The following SLC22A25 variants were observed in gnomAD, a reference collection of about 807,000 sequenced individuals.
SLC22A25 encodes solute carrier family 22 member 25, also known as MGI:2442751, MGI:2385316, MGI:3042283, MGI:3645714, MGI:3605624, MGI:2442750.
Under a neutral mutation model 45.9 loss-of-function variants are expected in SLC22A25, and 44 were observed. That is an observed-to-expected ratio of 0.96 (90% CI 0.75 to 1.23). The LOEUF (loss-of-function observed/expected upper bound fraction) is 1.23, where lower values mean the gene tolerates loss of function less well. Among genes scored for constraint, SLC22A25 ranks in the 50% most tolerant of loss-of-function variants. SLC22A25 has a pLI of 0.00. For missense variants in SLC22A25, 800 were observed against 666.4 expected (o/e 1.20, Z -2.21); for synonymous variants, 283 against 238.6 (o/e 1.19, Z -1.72).
At chr11:63,166,738 T>C (rs1361624713) in intron 9 of SLC22A25, 63 of 987,984 alleles carry the variant, frequency 6.4e-5, no homozygotes, top group Non-Finnish European at 7.0e-5. Flanking sequence ...AGATTGTATA[T>C]TCATGGCATT....
intron 7 of SLC22A25, among the ~76,000 whole-genome samples, chr11:63,186,347 G>C (rs1328948744): frequency 6.6e-6 from 1 of 151,420 alleles, no homozygotes; most frequent in Non-Finnish European, 1.5e-5. Flanking sequence ...GTCTTCTTTT[G>C]AGAAGTGTCT....
intron 9 of SLC22A25, among the ~76,000 whole-genome samples, chr11:63,174,802 G>T (rs1024297080): frequency 6.6e-6 from 1 of 151,968 alleles, no homozygotes; most frequent in Non-Finnish European, 1.5e-5. Flanking sequence ...ATTTCCCTCT[G>T]CCCTCTGCCC....
At chr11:63,243,297 C>T in intron 1 of SLC22A25, 137 bp downstream of exon 1, 1 of 434,888 alleles carries the variant, frequency 2.3e-6, no homozygotes, top group South Asian at 2.3e-5. Context: ...TTGGTGGCCA[C>T]TTCTGATGGT....
intron 7 of SLC22A25, among the ~76,000 whole-genome samples, chr11:63,215,980 T>C (rs1474588359): frequency 1.3e-5 from 2 of 152,164 alleles, no homozygotes; most frequent in Non-Finnish European, 2.9e-5. Context: ...AATCATGGTG[T>C]GTAAGTACCA....
intron 9 of SLC22A25, among the ~76,000 whole-genome samples, chr11:63,171,358 G>A (rs2087877736): frequency 6.6e-6 from 1 of 152,184 alleles, no homozygotes; most frequent in African/African-American, 2.4e-5. Context: ...AATAGGAAGA[G>A]AAGAAGTCAA....
In SLC22A25 at chr11:63,163,867, C is replaced by T. The variant is rs2134702838; in HGVS notation, c.1601G>A (p.Gly534Glu). ...CTGAGGGGCAGCTAGGCTATTTACTCCCTCATTTTCCACATCCTGGATGCT... is the reference window on the plus strand; with the variant it reads ...CTGAGGGGCAGCTAGGCTATTTACTTCCTCATTTTCCACATCCTGGATGCT... Reference protein sequence around the residue: ...LDSIQDVENEGVNSLAAPQRS... With the variant: ...LDSIQDVENEEVNSLAAPQRS... The change falls in exon 12 of 12, where the codon GGA becomes GAA. Residue 534 changes from glycine (G) to glutamate (E), a missense_variant. Physicochemically the swap from Gly to Glu is moderately conservative, Grantham distance 98 (BLOSUM62 -2). Coordinates refer to ENST00000306494, the MANE Select transcript of SLC22A25 (RefSeq NM_199352.6). 6.2e-7 allele frequency: 1 copy of T among 1,613,820 alleles called. No individual in the cohort carries two copies. The highest frequency in any genetic ancestry group is 8.5e-7 in the Non-Finnish European group (1 of 1,179,858).
chr11:63,202,302 C>T (rs1427756794), intron 7 of SLC22A25, among the ~76,000 whole-genome samples: 1 of 151,734 alleles, frequency 6.6e-6, no homozygotes, highest in Non-Finnish European at 1.5e-5. Flanking sequence ...TGAGACAGAA[C>T]CATTCACTCC....
At position 63,223,635 on chromosome 11, in the gene SLC22A25, C is replaced by A. The variant is rs575215084; in HGVS notation, c.506+4826G>T. Among the ~76,000 whole-genome samples, 6 of 151,466 alleles carry A rather than the reference C, an allele frequency of 4.0e-5. No individual in the cohort carries two copies. In the South Asian group the frequency reaches 1.3e-3, roughly 32 times the overall value. On this transcript the variant is annotated intron_variant, in intron 5 of 11. Coordinates refer to ENST00000306494, the MANE Select transcript of SLC22A25 (RefSeq NM_199352.6). Reference sequence around the variant, plus strand: ...CAAATTCCTTTATTATTGCTCTGATCTTTATTTTCTTCTGTTAATTTTTGA... The same window carrying A: ...CAAATTCCTTTATTATTGCTCTGATATTTATTTTCTTCTGTTAATTTTTGA...
intron 1 of SLC22A25, among the ~76,000 whole-genome samples, chr11:63,242,357 G>A (rs1045945172): frequency 1.3e-5 from 2 of 152,324 alleles, no homozygotes; most frequent in South Asian, 2.1e-4. Flanking sequence ...GTAGGATAGC[G>A]TCTTTATCAA....
rs2087519480 is a variant in SLC22A25, at chr11:63,159,726, AG to A, written c.*4097del. On this transcript the variant is annotated 3_prime_UTR_variant, in exon 12 of 12. Transcript: ENST00000306494. ...TGGGGCAATATTTGGAGGGCTCAGAAGAAGACAGGAAAATGTTGGAAAGTTT... is the reference window on the plus strand; with the variant it reads ...TGGGGCAATATTTGGAGGGCTCAGAAAAGACAGGAAAATGTTGGAAAGTTT... Among the ~76,000 whole-genome samples the A allele has an allele frequency of 6.6e-6, 1 of 152,200 alleles. No homozygotes were observed. Among genetic ancestry groups the A allele is most frequent in the Non-Finnish European group, 1.5e-5 (1 of 68,044 alleles).
At position 63,162,181 on chromosome 11, in the gene SLC22A25, G is replaced by A. The variant is rs530949289; in HGVS notation, c.*1643C>T. Among the ~76,000 whole-genome samples the A allele has an allele frequency of 6.6e-6, 1 of 152,058 alleles. No individual in the cohort carries two copies. The highest frequency in any genetic ancestry group is 1.5e-5 in the Non-Finnish European group (1 of 67,992). On this transcript the variant is annotated 3_prime_UTR_variant, in exon 12 of 12. Transcript: ENST00000306494. ...CTGGTGATTAGTCCTTTGTCAGAGG[G>A]GTAGTTTGCAAGTATTTTCTCCCAT...
intron 5 of SLC22A25, among the ~76,000 whole-genome samples, chr11:63,218,985 G>T (rs1434211726): frequency 6.6e-6 from 1 of 152,090 alleles, no homozygotes; most frequent in African/African-American, 2.4e-5. Flanking sequence ...ATTTTGTAGT[G>T]GAAAATTTTA....
intron 5 of SLC22A25, chr11:63,219,999 G>A: frequency 7.8e-7 from 1 of 1,289,304 alleles, no homozygotes; most frequent in Non-Finnish European, 1.0e-6. Context: ...GTGGAGACAT[G>A]GTTGGGCGAT....
intron 9 of SLC22A25, chr11:63,167,981 T>C: frequency 2.6e-6 from 1 of 387,870 alleles, no homozygotes; most frequent in South Asian, 1.8e-5. Flanking sequence ...CAGGCAGGAA[T>C]CTTTGCTGTT....
At position 63,165,933 on chromosome 11, in the gene SLC22A25, C is replaced by T. The variant is rs2087663887; in HGVS notation, c.1285+111G>A. ...AGCCCCAGATTTCTATCAGGGAATC[C>T]TGAGAACTCAATTCTCCCTTTCCTT... On this transcript the variant is annotated intron_variant, in intron 10 of 11. Transcript: ENST00000306494. 3.0e-6 allele frequency: 4 copies of T among 1,331,128 alleles called. No individual in the cohort carries two copies. In the South Asian group the frequency reaches 6.0e-5, roughly 20 times the overall value. The allele number at this position is 1,331,128 out of a possible 1,614,324, so 82.5% of individuals were successfully genotyped here. A position where few individuals can be genotyped will look rare whatever the true frequency, so the allele number is the denominator to read the frequency against.
chr11:63,229,254 A>C lies in SLC22A25; in HGVS notation c.399T>G (p.Thr133=). 1 of 1,526,362 alleles carries C rather than the reference A, an allele frequency of 6.6e-7. No homozygotes were observed. Among genetic ancestry groups the C allele is most frequent in the Non-Finnish European group, 8.8e-7 (1 of 1,134,854 alleles). The allele number at this position is 1,526,362 out of a possible 1,614,324, so 94.6% of individuals were successfully genotyped here. A position where few individuals can be genotyped will look rare whatever the true frequency, so the allele number is the denominator to read the frequency against. ...AGAGGAAAATGAGGCCTCTTACCTT[A>C]GTCACAATGGTGGAAGGGAAGGAGC... ...DQSSFPSTIV[T]KWDLVCESQP... is the part of the protein sequence containing the mutation. The change falls in exon 4 of 12, where the codon ACT becomes ACG. Residue 133 remains threonine (T), a synonymous_variant. Coordinates refer to ENST00000306494, the MANE Select transcript of SLC22A25 (RefSeq NM_199352.6).
At chr11:63,235,298 GTTC>G (rs1447874548) in intron 3 of SLC22A25, among the ~76,000 whole-genome samples, 3 of 152,154 alleles carry the variant, frequency 2.0e-5, no homozygotes, top group African/African-American at 7.2e-5. Flanking sequence ...ACGTAGATTT[GTTC>G]TTTTCACATA....
chr11:63,182,970 A>G (rs1452141165), intron 8 of SLC22A25, among the ~76,000 whole-genome samples: 2 of 152,274 alleles, frequency 1.3e-5, no homozygotes, highest in African/African-American at 4.8e-5. Flanking sequence ...CTCATATTAA[A>G]GTAAAAGCTC....
intron 4 of SLC22A25, among the ~76,000 whole-genome samples, chr11:63,229,001 A>T (rs1343203914): frequency 6.6e-6 from 1 of 152,222 alleles, no homozygotes; most frequent in Non-Finnish European, 1.5e-5. Flanking sequence ...CATTATTCAT[A>T]AATGCTTGCT....
Sources: gnomAD v4.1 joint callset for allele counts (sites outside exome capture counted in the v4.1 genomes callset) on GRCh38, gnomAD v4.1.1 for gene constraint, MANE v1.5 for transcripts, NCBI Gene and HGNC (gene_info 2026-07-23, HGNC 2026-07-21) for gene names.